The following FSTL4 variants were observed in gnomAD, a reference collection of about 807,000 sequenced individuals.
FSTL4 encodes follistatin like 4, also known as follistatin-related protein 4.
A neutral mutation model predicts 78.2 loss-of-function variants in FSTL4; 28 were observed. The observed-to-expected ratio is 0.36, with a 90% CI of 0.27 to 0.49. The LOEUF is 0.49. FSTL4 is among the 20% of genes least tolerant of loss of function. The probability of loss-of-function intolerance (pLI) is 0.98; values close to 1 mark genes in which losing one functional copy is unlikely to be tolerated. For synonymous variants in FSTL4, 422 were observed against 440.5 expected (o/e 0.96, Z 0.53); for missense variants, 922 against 1,084.9 (o/e 0.85, Z 2.11).
the FSTL4 span, among the ~76,000 whole-genome samples, chr5:133,836,110 T>A: frequency 0.012 from 1,820 of 152,316 alleles, 45 homozygotes; most frequent in African/African-American, 0.042. Flanking sequence ...AGAAACATAG[T>A]TGAGTTTTGT....
At chr5:133,517,875 G>C (rs184696233) in intron 3 of FSTL4, among the ~76,000 whole-genome samples, 1 of 152,092 alleles carries the variant, frequency 6.6e-6, no homozygotes, top group South Asian at 2.1e-4. Context: ...TCTTCTTTGC[G>C]GGAGCTAAGT....
At chr5:133,753,949 T>C in the FSTL4 span, among the ~76,000 whole-genome samples, 3 of 152,034 alleles carry the variant, frequency 2.0e-5, no homozygotes, top group Non-Finnish European at 4.4e-5. Context: ...CTCTATAAAA[T>C]AGGATAAAAA....
chr5:133,531,794 T>C (rs532254595), intron 3 of FSTL4, among the ~76,000 whole-genome samples: 3 of 152,288 alleles, frequency 2.0e-5, no homozygotes, highest in African/African-American at 4.8e-5. Context: ...AAAGGAACCA[T>C]ACTGAAAGCA....
intron 4 of FSTL4, among the ~76,000 whole-genome samples, chr5:133,395,394 G>C (rs932631040): frequency 1.3e-5 from 2 of 152,114 alleles, no homozygotes; most frequent in Non-Finnish European, 2.9e-5. Flanking sequence ...TGAAGCCAGC[G>C]AGACCACGAA....
At chr5:133,288,184 C>A (rs1046944867) in intron 6 of FSTL4, among the ~76,000 whole-genome samples, 3 of 152,248 alleles carry the variant, frequency 2.0e-5, no homozygotes, top group Non-Finnish European at 2.9e-5. Flanking sequence ...AGTATTCCAG[C>A]CCCACCTCTT....
intron 3 of FSTL4, among the ~76,000 whole-genome samples, chr5:133,555,586 T>C (rs1452091834): frequency 6.6e-6 from 1 of 152,224 alleles, no homozygotes; most frequent in African/African-American, 2.4e-5. Flanking sequence ...TATTTGAATG[T>C]AAGGTATTAT....
intron 3 of FSTL4, among the ~76,000 whole-genome samples, chr5:133,465,203 A>G (rs1757680044): frequency 6.6e-6 from 1 of 152,162 alleles, no homozygotes; most frequent in African/African-American, 2.4e-5. Flanking sequence ...TGCCCATGCC[A>G]TGCTCACTCC....
the FSTL4 span, among the ~76,000 whole-genome samples, chr5:133,806,348 T>A: frequency 6.6e-6 from 1 of 152,326 alleles, no homozygotes; most frequent in East Asian, 1.9e-4. Context: ...CCACTATTCA[T>A]CCTGCAGATA....
At chr5:133,615,384 C>T (rs1402824820), upstream of FSTL4, among the ~76,000 whole-genome samples, 1 of 152,212 alleles carries the variant, frequency 6.6e-6, no homozygotes, top group Admixed American at 6.5e-5. Flanking sequence ...CTTAGGAGAG[C>T]CCTGGATGGG....
At chr5:133,464,722 C>T (rs926464512) in intron 3 of FSTL4, among the ~76,000 whole-genome samples, 10 of 152,202 alleles carry the variant, frequency 6.6e-5, no homozygotes, top group Admixed American at 2.0e-4. Context: ...CACACAGAGT[C>T]GAGCCAGGGA....
chr5:133,253,191 C>G (rs1164581441), intron 6 of FSTL4, among the ~76,000 whole-genome samples: 2 of 152,222 alleles, frequency 1.3e-5, no homozygotes, highest in African/African-American at 4.8e-5. Context: ...CAACAAGCCT[C>G]CCCCTGGCGG....
intron 6 of FSTL4, among the ~76,000 whole-genome samples, chr5:133,250,894 G>A (rs968491823): frequency 6.6e-6 from 1 of 152,224 alleles, no homozygotes; most frequent in Non-Finnish European, 1.5e-5. Flanking sequence ...ATGGATGGAT[G>A]AGAAATGGAG....
At chr5:133,589,853 C>G (rs1483861568) in intron 2 of FSTL4, among the ~76,000 whole-genome samples, 1 of 152,162 alleles carries the variant, frequency 6.6e-6, no homozygotes, top group Non-Finnish European at 1.5e-5. Flanking sequence ...AGATGCAAAC[C>G]CTGGCTCCAC....
At chr5:133,695,055 C>T in the FSTL4 span, among the ~76,000 whole-genome samples, 2 of 152,076 alleles carry the variant, frequency 1.3e-5, no homozygotes, top group Admixed American at 6.5e-5. Flanking sequence ...GGGCTAGGAT[C>T]CTCAGGTCCC....
At chr5:133,401,712 C>T (rs1055877377) in intron 3 of FSTL4, among the ~76,000 whole-genome samples, 4 of 152,076 alleles carry the variant, frequency 2.6e-5, no homozygotes, top group African/African-American at 9.7e-5. Flanking sequence ...GATCATGGAG[C>T]GGGTGATGTG....
At chr5:133,665,305 A>G in the FSTL4 span, among the ~76,000 whole-genome samples, 1 of 152,330 alleles carries the variant, frequency 6.6e-6, no homozygotes, top group African/African-American at 2.4e-5. Context: ...TGGTCAGGCC[A>G]TGTTCCATGG....
At chr5:133,618,503 A>G in the FSTL4 span, among the ~76,000 whole-genome samples, 1 of 152,210 alleles carries the variant, frequency 6.6e-6, no homozygotes, top group Non-Finnish European at 1.5e-5. Flanking sequence ...AGGAAAGACC[A>G]GATGCTCAGT....
At chr5:133,555,005 G>C (rs1046127265) in intron 3 of FSTL4, among the ~76,000 whole-genome samples, 1 of 152,154 alleles carries the variant, frequency 6.6e-6, no homozygotes, top group Non-Finnish European at 1.5e-5. Flanking sequence ...GTATTTGGGG[G>C]TTATTCCAAT....
At chr5:133,368,980 T>C (rs1217752331) in intron 4 of FSTL4, among the ~76,000 whole-genome samples, 1 of 152,220 alleles carries the variant, frequency 6.6e-6, no homozygotes, top group Non-Finnish European at 1.5e-5. Flanking sequence ...CAGACGGTGC[T>C]TCAGGGATTC....
Sources: allele counts gnomAD v4.1 joint callset (sites outside exome capture counted in the v4.1 genomes callset), GRCh38; gene constraint gnomAD v4.1.1; transcripts MANE v1.5; gene names NCBI Gene and HGNC (gene_info 2026-07-23, HGNC 2026-07-21).